The following HPGD variants were observed in gnomAD, a reference collection of about 807,000 sequenced individuals.
HPGD encodes 15-hydroxyprostaglandin dehydrogenase.
In HPGD, 29 loss-of-function variants were observed where a neutral mutation model predicts 30.0. The observed-to-expected ratio is 0.97, with a 90% CI of 0.72 to 1.32. The LOEUF (loss-of-function observed/expected upper bound fraction) is 1.32, where lower values mean the gene tolerates loss of function less well. Among genes scored for constraint, HPGD ranks in the 40% most tolerant of loss-of-function variants. The pLI is 0.00. For synonymous variants in HPGD, 99 were observed against 112.4 expected, an observed-to-expected ratio of 0.88 and a Z score of 0.75; for missense variants, 340 against 322.1, an observed-to-expected ratio of 1.06 and a Z score of -0.43.
intron 4 of HPGD, among the ~76,000 whole-genome samples, chr4:174,500,608 A>G (rs1175960641): frequency 6.6e-6 from 1 of 152,238 alleles, no homozygotes; most frequent in African/African-American, 2.4e-5. Flanking sequence ...GAGGAAACGT[A>G]AATGCATATT....
intron 3 of HPGD, among the ~76,000 whole-genome samples, chr4:174,516,056 A>G (rs541407842): frequency 2.0e-5 from 3 of 152,302 alleles, no homozygotes; most frequent in South Asian, 4.1e-4. Flanking sequence ...AAAGTAAACT[A>G]GTCAGACACC....
At chr4:174,495,168 A>T (rs1248163057) in intron 5 of HPGD, among the ~76,000 whole-genome samples, 1 of 151,906 alleles carries the variant, frequency 6.6e-6, no homozygotes, top group African/African-American at 2.4e-5. Flanking sequence ...TTCCAGCTCC[A>T]TGTTCTCACT....
rs370038477 is a variant in HPGD, at chr4:174,491,951, G to A, written c.*5C>T. On this transcript the variant is annotated 3_prime_UTR_variant, in exon 7 of 7. Coordinates refer to ENST00000296522, the MANE Select transcript of HPGD (RefSeq NM_000860.6). The stretch of plus-strand genomic sequence containing the variant: ...ATTTTCAGCTATGGCTAACACATAA[G>A]CTGTTCATTGGGTTTTTGCTTGAAA... 7 of 1,610,236 alleles carry A rather than the reference G, an allele frequency of 4.3e-6. No individual in the cohort carries two copies. The highest frequency in any genetic ancestry group is 5.9e-6 in the Non-Finnish European group (7 of 1,177,074).
chr4:174,517,029 T>G (rs2054438959), intron 3 of HPGD, among the ~76,000 whole-genome samples: 1 of 152,156 alleles, frequency 6.6e-6, no homozygotes, highest in African/African-American at 2.4e-5. Context: ...GTGGCCAAAT[T>G]GTACTCTACA....
intron 4 of HPGD, among the ~76,000 whole-genome samples, chr4:174,504,655 A>C (rs1489890792): frequency 7.4e-6 from 1 of 135,284 alleles, no homozygotes; most frequent in African/African-American, 3.4e-5. Flanking sequence ...TAAAAATACA[A>C]AAAAAAAAAA....
At position 174,494,631 on chromosome 4, in the gene HPGD, ATC is replaced by A. The variant is rs1734492560; in HGVS notation, c.498+915_498+916del. On this transcript the variant is annotated intron_variant, in intron 5 of 6. Transcript: ENST00000296522. The surrounding 1 kb of genome is among the most constrained non-coding windows in gnomAD (Gnocchi z 4.9). ...TTGACTGAACAGTTAACATTTGTGC[ATC>A]TGTTTTTTCTGTCTCCTACTAATTC... is the stretch of plus-strand genomic sequence containing the variant. Among the ~76,000 whole-genome samples, 1 of 152,124 alleles carries A rather than the reference ATC, an allele frequency of 6.6e-6. No individual in the cohort carries two copies. Among genetic ancestry groups the A allele is most frequent in the Non-Finnish European group, 1.5e-5 (1 of 68,016 alleles).
chr4:174,514,449 T>TA (rs1354111037), intron 3 of HPGD, among the ~76,000 whole-genome samples: 1 of 152,174 alleles, frequency 6.6e-6, no homozygotes, highest in African/African-American at 2.4e-5. Context: ...ATCCATACTG[T>TA]AAAATAGAAC....
At chr4:174,495,520 T>C (rs767948191) in intron 5 of HPGD, 28 bp downstream of exon 5, 2 of 1,495,624 alleles carry the variant, frequency 1.3e-6, no homozygotes, top group East Asian at 4.5e-5. Flanking sequence ...AAAGAGAAAA[T>C]GAGATATGAC....
Position 174,508,768 on chromosome 4 carries a change from G to T in HPGD, c.349C>A (p.Leu117Ile). The change falls in exon 4 of 7, where the codon CTT becomes ATT. Residue 117 changes from leucine (L) to isoleucine (I), a missense_variant. Physicochemically the swap from Leu to Ile is conservative, Grantham distance 5 (BLOSUM62 2). Coordinates refer to ENST00000296522, the MANE Select transcript of HPGD (RefSeq NM_000860.6). ...TGCTTACTCATGTAATCCAAACCAA[G>T]ATAGGTTCCACTGATAACAGAAACC... The part of the protein sequence containing the change: ...NLVSVISGTY[L>I]GLDYMSKQNG... 6.2e-7 allele frequency: 1 copy of T among 1,603,522 alleles called. No individual in the cohort carries two copies. The highest frequency in any genetic ancestry group is 8.5e-7 in the Non-Finnish European group (1 of 1,170,746).
At chr4:174,509,038 T>G (rs927152296) in intron 3 of HPGD, among the ~76,000 whole-genome samples, 1 of 152,238 alleles carries the variant, frequency 6.6e-6, no homozygotes, top group Non-Finnish European at 1.5e-5. Flanking sequence ...ATATGAGATT[T>G]TATGCTACAG....
chr4:174,521,827 T>TAGCTGCTCTCGAGGAGGC (rs1212230514), intron 2 of HPGD, 117 bp downstream of exon 2: 3 of 1,163,934 alleles, frequency 2.6e-6, no homozygotes, highest in Non-Finnish European at 2.6e-6. Flanking sequence ...AGCTTCAAGG[T>TAGCTGCTCTCGAGGAGGC]AGCTGCTCTC....
intron 2 of HPGD, 88 bp from the exon 3 acceptor site, chr4:174,518,165 T>C: frequency 1.4e-6 from 1 of 702,044 alleles, no homozygotes; most frequent in Admixed American, 2.4e-5. Flanking sequence ...GGAATTTCAG[T>C]TTATTTACCC....
chr4:174,508,183 C>G, intron 4 of HPGD: 1 of 698,882 alleles, frequency 1.4e-6, no homozygotes, highest in Non-Finnish European at 2.6e-6. Context: ...AGAAGAGATA[C>G]CTGCAACAAG....
chr4:174,517,077 C>G (rs1023997095), intron 3 of HPGD, among the ~76,000 whole-genome samples: 1 of 152,168 alleles, frequency 6.6e-6, no homozygotes, highest in African/African-American at 2.4e-5. Flanking sequence ...ATGACCTTAG[C>G]AAGGTCAGGG....
intron 4 of HPGD, chr4:174,507,783 G>A (rs1188319786): frequency 8.7e-6 from 2 of 229,564 alleles, no homozygotes; most frequent in Non-Finnish European, 1.7e-5. Context: ...TCCAGTCAGA[G>A]GTTTAAGGCT....
At position 174,493,189 on chromosome 4, in the gene HPGD, A is replaced by T. The variant is rs1734423961; in HGVS notation, c.624T>A (p.Asp208Glu). The change falls in exon 6 of 7, where the codon GAT becomes GAA. Residue 208 changes from aspartate (D) to glutamate (E), a missense_variant. Transcript: ENST00000296522. ...AGTATTTAATCATATCCTTGATATG[A>T]TCCTTATATTCTATATATTGTCCCA... Reference protein sequence around the residue: ...ENMGQYIEYKDHIKDMIKYYG... With the variant: ...ENMGQYIEYKEHIKDMIKYYG... 6.2e-7 allele frequency: 1 copy of T among 1,605,178 alleles called. No individual in the cohort carries two copies. Among genetic ancestry groups the T allele is most frequent in the African/African-American group, 1.3e-5 (1 of 74,666 alleles).
intron 4 of HPGD, among the ~76,000 whole-genome samples, chr4:174,505,685 C>A (rs887290299): frequency 2.0e-5 from 3 of 152,002 alleles, no homozygotes; most frequent in African/African-American, 7.2e-5. Context: ...TTAGTGGGAG[C>A]CCTGGATGGG....
Position 174,491,979 on chromosome 4 carries a change from GAGTTGTATCAT to G in HPGD, c.767_777del (p.Tyr256SerfsTer17), listed in dbSNP as rs1167369163. The G allele has an allele frequency of 6.2e-7, 1 of 1,612,024 alleles. No individual in the cohort carries two copies. Among genetic ancestry groups the G allele is most frequent in the Admixed American group, 1.7e-5 (1 of 59,990 alleles). On this transcript the variant is annotated frameshift_variant, in exon 7 of 7. Transcript: ENST00000296522. LOFTEE classifies it high-confidence loss of function. ...GTTCATTGGGTTTTTGCTTGAAATG[GAGTTGTATCAT>G]AGTCTTGAAAATGAATTCCCTTAGA...
rs1027619507 is a variant in HPGD, at chr4:174,496,226, A to G, written c.422-602T>C. On this transcript the variant is annotated intron_variant, in intron 4 of 6. Transcript: ENST00000296522. This position sits in a 1 kb window ranked among gnomAD's most constrained non-coding sequence, Gnocchi z 4.6. ...TCTTTTTGTCCTATGACTTAGGAAGATAGAAATAAACATTTGTGGTCCTAT... is the reference window on the plus strand; with the variant it reads ...TCTTTTTGTCCTATGACTTAGGAAGGTAGAAATAAACATTTGTGGTCCTAT... 2.6e-5 allele frequency among the ~76,000 whole-genome samples: 4 copies of G among 152,244 alleles called. No homozygotes were observed. Among genetic ancestry groups the G allele is most frequent in the Non-Finnish European group, 5.9e-5 (4 of 68,034 alleles).
Sources: allele counts gnomAD v4.1 joint callset (sites outside exome capture counted in the v4.1 genomes callset), GRCh38; gene constraint gnomAD v4.1.1; non-coding constraint Gnocchi (gnomAD v3.1); transcripts MANE v1.5; gene names NCBI Gene and HGNC (gene_info 2026-07-23, HGNC 2026-07-21).